The following GLG1 variants were observed in gnomAD, a reference collection of about 807,000 sequenced individuals.
The protein encoded by GLG1 is golgi glycoprotein 1.
In GLG1, 38 loss-of-function variants were observed where a neutral mutation model predicts 160.5. The ratio of observed to expected loss-of-function variants is 0.24; its 90% CI spans 0.18 to 0.31. The LOEUF (loss-of-function observed/expected upper bound fraction) is 0.31, where lower values mean the gene tolerates loss of function less well. Ranked by LOEUF, GLG1 falls within the 10% of genes least tolerant of loss-of-function variation. The pLI is 1.00. For missense variants in GLG1, 1,373 were observed against 1,505.2 expected (o/e 0.91, Z 1.45); for synonymous variants, 644 against 543.4 (o/e 1.19, Z -2.57).
intron 6 of GLG1, among the ~76,000 whole-genome samples, 196 bp downstream of exon 6, chr16:74,494,564 G>A (rs943277037): frequency 4.0e-5 from 6 of 151,630 alleles, no homozygotes; most frequent in African/African-American, 1.2e-4. Flanking sequence ...CCACCACCAC[G>A]GCCGACTAAT....
chr16:74,450,895 A>G lies in GLG1; in HGVS notation c.*2272T>C, dbSNP rs1295902269. 1 of 152,214 alleles carries G rather than the reference A, an allele frequency of 6.6e-6. No individual in the cohort carries two copies. Among genetic ancestry groups the G allele is most frequent in the Admixed American group, 6.5e-5 (1 of 15,272 alleles). 9.4% of individuals were successfully genotyped at this position (152,214 alleles called of 1,614,324 possible). A position where few individuals can be genotyped will look rare whatever the true frequency, so the allele number is the denominator to read the frequency against. On this transcript the variant is annotated 3_prime_UTR_variant, in exon 26 of 26. Coordinates refer to ENST00000422840, the MANE Select transcript of GLG1 (RefSeq NM_001145667.2). ...GTTTCAAGAACCAAATTCCTCATCA[A>G]ACTTCCAAATCTGCAGACAACGAAT...
At chr16:74,471,905 T>C (rs1167292694) in intron 14 of GLG1, among the ~76,000 whole-genome samples, 1 of 64,186 alleles carries the variant, frequency 1.6e-5, no homozygotes, top group Non-Finnish European at 3.1e-5. Context: ...CTCTCGATCT[T>C]GTTTACTTTT....
chr16:74,480,174 A>C (rs1236955895), intron 11 of GLG1, 67 bp downstream of exon 11: 2 of 1,293,800 alleles, frequency 1.5e-6, no homozygotes, highest in African/African-American at 1.5e-5. Flanking sequence ...AATCAGAAGA[A>C]TATACAGCAA....
intron 5 of GLG1, among the ~76,000 whole-genome samples, chr16:74,495,435 G>C (rs1048011425): frequency 2.6e-5 from 4 of 152,176 alleles, no homozygotes. Context: ...TTTCTTACAA[G>C]TGTATGCTAG....
intron 2 of GLG1, among the ~76,000 whole-genome samples, chr16:74,512,870 G>C (rs1450866079): frequency 6.6e-6 from 1 of 152,154 alleles, no homozygotes; most frequent in Non-Finnish European, 1.5e-5. Flanking sequence ...TAAGAGGAGG[G>C]ACAGGGAGTC....
At chr16:74,457,833 A>G (rs764305154) in intron 24 of GLG1, 41 bp downstream of exon 24, 86 of 1,600,550 alleles carry the variant, frequency 5.4e-5, no homozygotes, top group East Asian at 1.3e-4. Context: ...GCTCTTCCCA[A>G]GAGAGTTCAG....
chr16:74,567,504 T>TA (rs1259793922), intron 1 of GLG1, among the ~76,000 whole-genome samples: 1 of 150,234 alleles, frequency 6.7e-6, no homozygotes, highest in Admixed American at 6.7e-5. Context: ...CTCCAAAAGA[T>TA]AAAAATCACT....
chr16:74,466,493 G>C (rs1306859743), intron 18 of GLG1, among the ~76,000 whole-genome samples: 1 of 152,188 alleles, frequency 6.6e-6, no homozygotes, highest in East Asian at 1.9e-4. Context: ...GAAGCCATGA[G>C]ACTTCCGGGA....
At chr16:74,524,578 G>A (rs941746226) in intron 2 of GLG1, among the ~76,000 whole-genome samples, 6 of 150,608 alleles carry the variant, frequency 4.0e-5, no homozygotes, top group African/African-American at 1.5e-4. Context: ...AGTATTTACT[G>A]AAATATTAAC....
chr16:74,576,063 G>A (rs962530242), intron 1 of GLG1, among the ~76,000 whole-genome samples: 1 of 152,122 alleles, frequency 6.6e-6, no homozygotes, highest in Non-Finnish European at 1.5e-5. Flanking sequence ...AGCCAGGCAT[G>A]GTAGAGGTTG....
chr16:74,461,884 A>G (rs191125839), intron 22 of GLG1: 21 of 479,800 alleles, frequency 4.4e-5, no homozygotes, highest in African/African-American at 2.6e-4. Context: ...CAACAGAGAA[A>G]TATGGAACAA....
intron 1 of GLG1, among the ~76,000 whole-genome samples, chr16:74,580,035 G>T (rs898588575): frequency 2.6e-5 from 4 of 152,048 alleles, no homozygotes; most frequent in African/African-American, 7.2e-5. Flanking sequence ...TGCACTCCAG[G>T]CTGGGTGACA....
chr16:74,453,080 G>A lies in GLG1; in HGVS notation c.*87C>T. 1 of 1,544,660 alleles carries A rather than the reference G, an allele frequency of 6.5e-7. No individual in the cohort carries two copies. The highest frequency in any genetic ancestry group is 8.7e-7 in the Non-Finnish European group (1 of 1,146,112). ...AACACGGGGTTGGTGTCACTTCTGA[G>A]AAGAGCGAGGTGAGTGGGGATGCTA... is the stretch of plus-strand genomic sequence containing the variant. On this transcript the variant is annotated 3_prime_UTR_variant, in exon 26 of 26. Coordinates refer to ENST00000422840, the MANE Select transcript of GLG1 (RefSeq NM_001145667.2).
Position 74,462,214 on chromosome 16 carries a change from G to C in GLG1, c.2935-19C>G, listed in dbSNP as rs780889039. On this transcript the variant is annotated intron_variant, in intron 21 of 25. Transcript: ENST00000422840. ...ACAGGCGCTGCATGTGACAAAGGGAGGATACATGGGCTGATCAGAAAACGA... is the reference window on the plus strand; with the variant it reads ...ACAGGCGCTGCATGTGACAAAGGGACGATACATGGGCTGATCAGAAAACGA... 1 of 1,313,148 alleles carries C rather than the reference G, an allele frequency of 7.6e-7. No homozygotes were observed. The highest frequency in any genetic ancestry group is 1.1e-6 in the Non-Finnish European group (1 of 907,102). 81.3% of individuals were successfully genotyped at this position (1,313,148 alleles called of 1,614,324 possible).
At chr16:74,489,471 C>CAA (rs78858513) in intron 8 of GLG1, among the ~76,000 whole-genome samples, 1 of 134,826 alleles carries the variant, frequency 7.4e-6, no homozygotes. Context: ...GACTCTGTCT[C>CAA]AAAAAAAAAA....
In GLG1 at chr16:74,459,854, CTTTTT is replaced by C. The variant is rs71158515; in HGVS notation, c.3037-70_3037-66del. 161 of 643,034 alleles carry C rather than the reference CTTTTT, an allele frequency of 2.5e-4. No homozygotes were observed. In the African/African-American group the frequency reaches 2.6e-3, roughly 10 times the overall value. 39.8% of individuals were successfully genotyped at this position (643,034 alleles called of 1,614,324 possible). On this transcript the variant is annotated intron_variant, in intron 22 of 25. Coordinates refer to ENST00000422840, the MANE Select transcript of GLG1 (RefSeq NM_001145667.2). ...CACAGAAATGAACTGACAGTTTCTTCTTTTTTTTTTTTATTTTTTGAAACAGAGCC... is the reference window on the plus strand; with the variant it reads ...CACAGAAATGAACTGACAGTTTCTTCTTTTTTTATTTTTTGAAACAGAGCC...
At chr16:74,502,705 G>A (rs1166346747) in intron 4 of GLG1, among the ~76,000 whole-genome samples, 4 of 144,432 alleles carry the variant, frequency 2.8e-5, no homozygotes, top group East Asian at 4.2e-4. Flanking sequence ...CACCACGCCC[G>A]GCTAATTTTG....
intron 1 of GLG1, among the ~76,000 whole-genome samples, chr16:74,579,588 G>A (rs1005813913): frequency 6.6e-6 from 1 of 151,982 alleles, no homozygotes; most frequent in Admixed American, 6.6e-5. Context: ...CAGGTGTAGT[G>A]GCACACACCT....
chr16:74,501,375 T>C (rs1448111957), intron 4 of GLG1, among the ~76,000 whole-genome samples: 6 of 152,214 alleles, frequency 3.9e-5, no homozygotes, highest in African/African-American at 2.4e-5. Flanking sequence ...CTGGTAGACA[T>C]ACTGAAAGAT....
Sources: allele counts gnomAD v4.1 joint callset (sites outside exome capture counted in the v4.1 genomes callset), GRCh38; gene constraint gnomAD v4.1.1; transcripts MANE v1.5; gene names NCBI Gene and HGNC (gene_info 2026-07-23, HGNC 2026-07-21).